The following AUTS2 variants were observed in gnomAD, a reference collection of about 807,000 sequenced individuals.
AUTS2 encodes the protein activator of transcription and developmental regulator AUTS2.
A neutral mutation model predicts 112.4 loss-of-function variants in AUTS2; 17 were observed. That is an observed-to-expected ratio of 0.15 (90% confidence interval 0.10 to 0.23). The LOEUF is 0.23. Ranked by LOEUF, AUTS2 falls within the 10% of genes least tolerant of loss-of-function variation. AUTS2 has a pLI of 1.00. For missense variants in AUTS2, 1,510 were observed against 1,701.6 expected (o/e 0.89, Z 1.98); for synonymous variants, 751 against 702.7 (o/e 1.07, Z -1.09).
At chr7:69,737,895 A>G (rs1330866522) in intron 1 of AUTS2, among the ~76,000 whole-genome samples, 1 of 152,240 alleles carries the variant, frequency 6.6e-6, no homozygotes, top group East Asian at 1.9e-4. Context: ...CTAACTGGGT[A>G]TATTCTGCCA....
rs573803163 is a variant in AUTS2 at position 70,114,560 on chromosome 7, A to G, written c.523-3572A>G. On this transcript the variant is annotated intron_variant, in intron 2 of 18. Transcript: ENST00000342771. ...GTAATCCCAGCACTTTGGGAGGCCGAGGTGGGCAGATCACCTGAGGTTGGG... is the reference window on the plus strand; with the variant it reads ...GTAATCCCAGCACTTTGGGAGGCCGGGGTGGGCAGATCACCTGAGGTTGGG... Among the ~76,000 whole-genome samples, 27 of 152,296 alleles carry G rather than the reference A, an allele frequency of 1.8e-4. No homozygotes were observed. The South Asian group carries it at 5.6e-3, about 32-fold the overall frequency.
rs539839779 is a variant in AUTS2, at chr7:69,932,678, A to T, written c.522+33180A>T. ...CTCCAGTGTGAGTTTGGCTTTGAAC[A>T]CTCAGTGTGACTTTGGCTAGGGCTT... On this transcript the variant is annotated intron_variant, in intron 2 of 18. Transcript: ENST00000342771. Among the ~76,000 whole-genome samples the T allele has an allele frequency of 3.3e-5, 5 of 152,272 alleles. No individual in the cohort carries two copies. In the East Asian group the frequency reaches 9.7e-4, roughly 29 times the overall value.
chr7:70,582,028 C>T (rs2129527287), intron 5 of AUTS2, among the ~76,000 whole-genome samples: 1 of 149,434 alleles, frequency 6.7e-6, no homozygotes, highest in Admixed American at 6.7e-5. Context: ...GCTTGTCTTA[C>T]CCAACCCACT....
chr7:69,969,981 A>G (rs552638214), intron 2 of AUTS2, among the ~76,000 whole-genome samples: 1 of 152,322 alleles, frequency 6.6e-6, no homozygotes, highest in East Asian at 1.9e-4. Flanking sequence ...CGCATGACCA[A>G]AAACATTGGC....
At chr7:70,423,901 G>A (rs1562949566) in intron 4 of AUTS2, among the ~76,000 whole-genome samples, 1 of 151,906 alleles carries the variant, frequency 6.6e-6, no homozygotes, top group South Asian at 2.1e-4. Context: ...GCAATAAAAC[G>A]GTACAAAAAT....
chr7:70,091,182 G>A (rs955408686), intron 2 of AUTS2, among the ~76,000 whole-genome samples: 2 of 151,962 alleles, frequency 1.3e-5, no homozygotes, highest in African/African-American at 4.8e-5. Flanking sequence ...AAGAAAATTA[G>A]GTATCATTCT....
chr7:69,711,801 A>C (rs1470618135), intron 1 of AUTS2, among the ~76,000 whole-genome samples: 1 of 152,216 alleles, frequency 6.6e-6, no homozygotes, highest in Non-Finnish European at 1.5e-5. Flanking sequence ...GTTCTGAGGA[A>C]ATGACTATCC....
chr7:69,697,419 A>C (rs1423037490), intron 1 of AUTS2, among the ~76,000 whole-genome samples: 1 of 152,184 alleles, frequency 6.6e-6, no homozygotes, highest in Non-Finnish European at 1.5e-5. Context: ...TGCCTTGGGG[A>C]ACTCACAGTT....
chr7:69,683,011 G>C (rs557136997), intron 1 of AUTS2, among the ~76,000 whole-genome samples: 3 of 152,328 alleles, frequency 2.0e-5, no homozygotes, highest in African/African-American at 7.2e-5. Flanking sequence ...AGTTTAATAG[G>C]CAAGAAAGAA....
At chr7:70,666,588 C>G (rs1174104998) in intron 5 of AUTS2, among the ~76,000 whole-genome samples, 2 of 152,162 alleles carry the variant, frequency 1.3e-5, no homozygotes, top group Non-Finnish European at 2.9e-5. Context: ...TTCTCCTGCC[C>G]TTCTTCCTGT....
intron 4 of AUTS2, among the ~76,000 whole-genome samples, chr7:70,207,898 A>T (rs200895186): frequency 6.6e-6 from 1 of 150,782 alleles, no homozygotes; most frequent in Non-Finnish European, 1.5e-5. Context: ...GTAATCCCAG[A>T]TACTTGGGAG....
At chr7:70,591,846 A>G (rs1364582557) in intron 5 of AUTS2, among the ~76,000 whole-genome samples, 1 of 152,054 alleles carries the variant, frequency 6.6e-6, no homozygotes, top group East Asian at 1.9e-4. Context: ...CCCATTCCTC[A>G]ATTTGGCTGG....
chr7:70,276,148 A>T (rs1179729288), intron 4 of AUTS2, among the ~76,000 whole-genome samples: 1 of 152,132 alleles, frequency 6.6e-6, no homozygotes, highest in Non-Finnish European at 1.5e-5. Flanking sequence ...GACATTGAGT[A>T]CGTGCTTTGT....
At chr7:70,650,872 A>G (rs1458985523) in intron 5 of AUTS2, among the ~76,000 whole-genome samples, 1 of 152,260 alleles carries the variant, frequency 6.6e-6, no homozygotes, top group Non-Finnish European at 1.5e-5. Flanking sequence ...ATAAATTAAT[A>G]GTGCCAACTA....
At chr7:70,377,325 A>AATAAATAT (rs1793136400) in intron 4 of AUTS2, among the ~76,000 whole-genome samples, 10 of 52,062 alleles carry the variant, frequency 1.9e-4, no homozygotes, top group Non-Finnish European at 3.7e-4. Flanking sequence ...AACAAATATA[A>AATAAATAT]ATATATATAT....
chr7:70,144,755 A>T lies in AUTS2; in HGVS notation c.660+10184A>T, dbSNP rs556525158. Among the ~76,000 whole-genome samples, 3 of 152,200 alleles carry T rather than the reference A, an allele frequency of 2.0e-5. No individual in the cohort carries two copies. In the South Asian group the frequency reaches 6.2e-4, roughly 32 times the overall value. ...GACAATTTGGACTGTGACCTTGCTC[A>T]TCCTGGATCCTGTCCTTCAGTTGTT... On this transcript the variant is annotated intron_variant, in intron 4 of 18. Coordinates refer to ENST00000342771, the MANE Select transcript of AUTS2 (RefSeq NM_015570.4).
At chr7:70,489,966 G>GA (rs1267367160) in intron 5 of AUTS2, among the ~76,000 whole-genome samples, 2 of 152,146 alleles carry the variant, frequency 1.3e-5, no homozygotes, top group Non-Finnish European at 2.9e-5. Context: ...TAAACTAAAT[G>GA]AAAATGAAAA....
intron 5 of AUTS2, among the ~76,000 whole-genome samples, chr7:70,601,004 A>G (rs1563068195): frequency 6.6e-6 from 1 of 152,182 alleles, no homozygotes; most frequent in Non-Finnish European, 1.5e-5. Flanking sequence ...AAGTTTCTGT[A>G]TGGACATATT....
intron 4 of AUTS2, among the ~76,000 whole-genome samples, chr7:70,315,213 T>TGTTC (rs1481913754): frequency 1.3e-5 from 2 of 152,202 alleles, no homozygotes; most frequent in Admixed American, 1.3e-4. Context: ...TGCCACTCCT[T>TGTTC]GTTCCCATCC....
Sources: gnomAD v4.1 joint callset for allele counts (sites outside exome capture counted in the v4.1 genomes callset) on GRCh38, gnomAD v4.1.1 for gene constraint, MANE v1.5 for transcripts, NCBI Gene and HGNC (gene_info 2026-07-23, HGNC 2026-07-21) for gene names.